XIRP2: variants seen among roughly 807,000 people sequenced by gnomAD.
XIRP2 encodes the protein xin actin-binding repeat-containing protein 2.
XIRP2 carries 236 observed loss-of-function variants against 277.0 expected under a neutral mutation model. That is an observed-to-expected ratio of 0.85 (90% CI 0.77 to 0.95). XIRP2 has a LOEUF of 0.95. XIRP2 is among the 40% of genes least tolerant of loss of function. XIRP2 has a pLI of 0.00. For synonymous variants in XIRP2, 1,490 were observed against 1,416.5 expected, an observed-to-expected ratio of 1.05 and a Z score of -1.17; for missense variants, 4,640 against 4,157.5, an observed-to-expected ratio of 1.12 and a Z score of -3.19.
At chr2:167,034,154 G>A (rs549445604) in intron 2 of XIRP2, among the ~76,000 whole-genome samples, 1 of 152,108 alleles carries the variant, frequency 6.6e-6, no homozygotes, top group Non-Finnish European at 1.5e-5. Context: ...TTAAAGTGTA[G>A]GGGAATTAAT....
rs2105447047 is a variant in XIRP2 at position 167,250,108 on chromosome 2, G to C, written c.8716G>C (p.Glu2906Gln). The C allele has an allele frequency of 6.2e-7, 1 of 1,613,326 alleles. No individual in the cohort carries two copies. The highest frequency in any genetic ancestry group is 8.5e-7 in the Non-Finnish European group (1 of 1,179,648). ...EKCLEVKGIQ[E>Q]KQVFSNTKDS... ...ATGTCTCGAAGTCAAGGGCATACAAGAGAAACAAGTCTTCTCTAATACTAA... is the reference window on the plus strand; with the variant it reads ...ATGTCTCGAAGTCAAGGGCATACAACAGAAACAAGTCTTCTCTAATACTAA... Residue 2906 changes from glutamate to glutamine, a missense_variant, in exon 9 of 11, where the codon GAG (glutamate) becomes CAG (glutamine). By Grantham distance (29) the Glu-to-Gln change is conservative. Transcript: ENST00000409195.
chr2:167,009,677 A>T (rs912713791), intron 2 of XIRP2, among the ~76,000 whole-genome samples: 2 of 152,060 alleles, frequency 1.3e-5, no homozygotes, highest in African/African-American at 2.4e-5. Context: ...TTACAGTCCC[A>T]CCAACAGTGT....
chr2:167,181,085 C>G (rs1015796386), intron 3 of XIRP2, among the ~76,000 whole-genome samples: 2 of 152,150 alleles, frequency 1.3e-5, no homozygotes, highest in Non-Finnish European at 2.9e-5. Context: ...AAGCATTGTT[C>G]CCTTAAAAAC....
At chr2:167,242,419 C>T in intron 8 of XIRP2, 150 bp from the exon 9 acceptor site, 2 of 704,618 alleles carry the variant, frequency 2.8e-6, no homozygotes, top group Non-Finnish European at 4.6e-6. Flanking sequence ...ACTATTATTC[C>T]TAAGTTGGTC....
At chr2:167,022,441 CA>C (rs565756579) in intron 2 of XIRP2, among the ~76,000 whole-genome samples, 18 of 151,804 alleles carry the variant, frequency 1.2e-4, no homozygotes, top group Non-Finnish European at 2.2e-4. Flanking sequence ...GTTATGTATT[CA>C]TTTTTTTAAT....
chr2:167,255,246 C>T, intron 10 of XIRP2, among the ~76,000 whole-genome samples: 1 of 151,868 alleles, frequency 6.6e-6, no homozygotes, highest in East Asian at 1.9e-4. Context: ...TAGGCCAAAT[C>T]TCTCTGTGCA....
chr2:167,098,645 C>G (rs542751895), intron 2 of XIRP2, among the ~76,000 whole-genome samples: 1 of 152,312 alleles, frequency 6.6e-6, no homozygotes, highest in South Asian at 2.1e-4. Flanking sequence ...AATTTTCAGC[C>G]TTTTTGCATG....
At position 167,244,439 on chromosome 2, in the gene XIRP2, G is replaced by A; in HGVS notation, c.3047G>A (p.Ser1016Asn). The stretch of plus-strand genomic sequence containing the variant: ...GAAATCGTAAGAGGTGATGTAAGAA[G>A]CTGTAGGTGGCTTTTTGAAACAAGG... The part of the protein sequence containing the change: ...QEEIVRGDVR[S>N]CRWLFETRPI... The change falls in exon 9 of 11, where the codon AGC becomes AAC. Residue 1016 changes from serine to asparagine, a missense_variant. Coordinates refer to ENST00000409195, the MANE Select transcript of XIRP2 (RefSeq NM_152381.6). The A allele has an allele frequency of 6.2e-7, 1 of 1,613,746 alleles. No individual in the cohort carries two copies. The highest frequency in any genetic ancestry group is 8.5e-7 in the Non-Finnish European group (1 of 1,179,812).
chr2:166,931,140 A>G (rs1022202144), intron 2 of XIRP2, among the ~76,000 whole-genome samples: 1 of 152,224 alleles, frequency 6.6e-6, no homozygotes, highest in Non-Finnish European at 1.5e-5. Flanking sequence ...GAGAGAAATA[A>G]GATTAGTGTA....
intron 2 of XIRP2, among the ~76,000 whole-genome samples, chr2:167,113,649 T>C (rs1259492466): frequency 6.6e-6 from 1 of 152,160 alleles, no homozygotes; most frequent in African/African-American, 2.4e-5. Flanking sequence ...TCATTTAAGG[T>C]TAGTATTGAC....
intron 5 of XIRP2, among the ~76,000 whole-genome samples, chr2:167,224,895 G>A (rs1435917123): frequency 6.6e-6 from 1 of 152,116 alleles, no homozygotes; most frequent in Non-Finnish European, 1.5e-5. Flanking sequence ...TTTTTTAGGA[G>A]CTCCATTATC....
chr2:166,953,700 A>G (rs1686093812), intron 2 of XIRP2, among the ~76,000 whole-genome samples: 1 of 151,906 alleles, frequency 6.6e-6, no homozygotes, highest in Non-Finnish European at 1.5e-5. Flanking sequence ...GGCTCTGAGG[A>G]TGAGCTACTA....
chr2:167,259,544 T>C lies in XIRP2; in HGVS notation c.*1727T>C. ...ACACCTTGTCATTTTTTTCACAATTTATTTACATCTACTTTTGTTTGAACT... is the reference window on the plus strand; with the variant it reads ...ACACCTTGTCATTTTTTTCACAATTCATTTACATCTACTTTTGTTTGAACT... On this transcript the variant is annotated 3_prime_UTR_variant, in exon 11 of 11. Transcript: ENST00000409195. 1.8e-6 allele frequency: 1 copy of C among 556,154 alleles called. No individual in the cohort carries two copies. The highest frequency in any genetic ancestry group is 3.0e-6 in the Non-Finnish European group (1 of 329,842). The allele number at this position is 556,154 out of a possible 1,614,324, so 34.5% of individuals were successfully genotyped here. A position where few individuals can be genotyped will look rare whatever the true frequency, so the allele number is the denominator to read the frequency against.
chr2:167,200,816 G>A (rs1033607029), intron 3 of XIRP2, among the ~76,000 whole-genome samples: 3 of 152,082 alleles, frequency 2.0e-5, no homozygotes, highest in African/African-American at 7.2e-5. Flanking sequence ...CAGGACTAAA[G>A]CCCTAAGAGG....
At chr2:167,015,285 CA>C (rs1473128149) in intron 2 of XIRP2, among the ~76,000 whole-genome samples, 1 of 151,642 alleles carries the variant, frequency 6.6e-6, no homozygotes, top group African/African-American at 2.4e-5. Context: ...CAACATAAAC[CA>C]GTAAAAAATG....
chr2:166,895,377 T>C (rs1389787888), intron 1 of XIRP2, among the ~76,000 whole-genome samples: 3 of 152,154 alleles, frequency 2.0e-5, no homozygotes, highest in Non-Finnish European at 2.9e-5. Context: ...TAACTCCACA[T>C]ACTGGTGCTT....
rs753987043 is a variant in XIRP2, at chr2:167,257,850, T to G, written c.*40-7T>G. Reference sequence around the variant, plus strand: ...GAACTGCTAAGTGTTCTTTTTCTTTTTGGCAGTTTGGGAAATTATGCATCA... The same window carrying G: ...GAACTGCTAAGTGTTCTTTTTCTTTGTGGCAGTTTGGGAAATTATGCATCA... On this transcript the variant is annotated splice_polypyrimidine_tract_variant and splice_region_variant and intron_variant, in intron 10 of 10. Coordinates refer to ENST00000409195, the MANE Select transcript of XIRP2 (RefSeq NM_152381.6). 5 of 1,580,940 alleles carry G rather than the reference T, an allele frequency of 3.2e-6. No homozygotes were observed. The Admixed American group carries it at 9.5e-5, about 30-fold the overall frequency.
At chr2:167,168,705 C>T (rs1293226295) in intron 3 of XIRP2, among the ~76,000 whole-genome samples, 1 of 152,236 alleles carries the variant, frequency 6.6e-6, no homozygotes, top group Admixed American at 6.5e-5. Flanking sequence ...AGCTCCGCCT[C>T]CCGGGTTCAC....
intron 2 of XIRP2, among the ~76,000 whole-genome samples, chr2:166,938,966 T>A (rs1685609472): frequency 1.3e-5 from 2 of 152,218 alleles, no homozygotes; most frequent in African/African-American, 4.8e-5. Context: ...TCCATCCCTT[T>A]ATTTTGAGCC....
Sources: allele counts gnomAD v4.1 joint callset (sites outside exome capture counted in the v4.1 genomes callset), GRCh38; gene constraint gnomAD v4.1.1; transcripts MANE v1.5; gene names NCBI Gene and HGNC (gene_info 2026-07-23, HGNC 2026-07-21).